PCDH15: variants seen among roughly 807,000 people sequenced by gnomAD.
PCDH15 encodes the protein protocadherin-15.
In PCDH15, 129 loss-of-function variants were observed where a neutral mutation model predicts 178.5. That is an observed-to-expected ratio of 0.72 (90% CI 0.63 to 0.84). PCDH15 has a LOEUF of 0.84. Among genes scored for constraint, PCDH15 ranks in the 40% least tolerant of loss-of-function variants. PCDH15 has a pLI of 0.00. For missense variants in PCDH15, 2,230 were observed against 2,099.9 expected (o/e 1.06, Z -1.21); for synonymous variants, 800 against 732.0 (o/e 1.09, Z -1.50).
At chr10:54,163,742 A>T (rs2045939597) in intron 13 of PCDH15, among the ~76,000 whole-genome samples, 1 of 152,152 alleles carries the variant, frequency 6.6e-6, no homozygotes, top group African/African-American at 2.4e-5. Flanking sequence ...TAAGCAGAGT[A>T]GGGAACATTC....
chr10:54,049,227 C>G (rs2093716552), intron 18 of PCDH15, among the ~76,000 whole-genome samples: 1 of 152,028 alleles, frequency 6.6e-6, no homozygotes, highest in African/African-American at 2.4e-5. Flanking sequence ...ATTTTTGTAT[C>G]CTAAAACTTT....
chr10:54,046,834 G>A (rs2093666092), intron 18 of PCDH15, among the ~76,000 whole-genome samples: 1 of 151,974 alleles, frequency 6.6e-6, no homozygotes, highest in African/African-American at 2.4e-5. Context: ...AAGGACAAGA[G>A]TTGGTCTTAA....
chr10:54,267,405 T>C (rs2057761180), intron 8 of PCDH15, among the ~76,000 whole-genome samples: 1 of 151,876 alleles, frequency 6.6e-6, no homozygotes, highest in Non-Finnish European at 1.5e-5. Context: ...TTCAACTTAA[T>C]ACTTGAAGCC....
intron 3 of PCDH15, among the ~76,000 whole-genome samples, chr10:54,468,368 CATTT>C (rs1423677318): frequency 6.6e-6 from 1 of 151,570 alleles, no homozygotes; most frequent in African/African-American, 2.4e-5. Context: ...TTTCAATTTT[CATTT>C]GTTTCAATAC....
chr10:55,437,444 C>T (rs1839068628), intron 2 of PCDH15, among the ~76,000 whole-genome samples: 1 of 152,090 alleles, frequency 6.6e-6, no homozygotes, highest in Non-Finnish European at 1.5e-5. Context: ...AAAGAAAGGG[C>T]TTGGAAAGTG....
intron 16 of PCDH15, among the ~76,000 whole-genome samples, chr10:54,084,173 C>T (rs2094479785): frequency 6.6e-6 from 1 of 151,782 alleles, no homozygotes; most frequent in Non-Finnish European, 1.5e-5. Flanking sequence ...GCAACCTCCA[C>T]TTCCCAGGTT....
chr10:54,027,830 TA>T, intron 18 of PCDH15, among the ~76,000 whole-genome samples: 1 of 138,442 alleles, frequency 7.2e-6, no homozygotes, highest in Non-Finnish European at 1.5e-5. Context: ...CCTAAAACCA[TA>T]AAAACCATAG....
At chr10:54,569,576 G>A (rs538981298) in intron 2 of PCDH15, among the ~76,000 whole-genome samples, 1 of 152,214 alleles carries the variant, frequency 6.6e-6, no homozygotes, top group South Asian at 2.1e-4. Context: ...AGATAATTGT[G>A]CCAAAGTAAA....
chr10:55,464,638 ATATATATATATATATATG>A (rs1048846959), intron 2 of PCDH15, among the ~76,000 whole-genome samples: 7 of 51,070 alleles, frequency 1.4e-4, no homozygotes, highest in African/African-American at 7.0e-4. Flanking sequence ...ATATATATAT[ATATATATATATATATATG>A]TGTGTGTGTG....
intron 3 of PCDH15, among the ~76,000 whole-genome samples, chr10:54,413,855 T>TG (rs1204349518): frequency 2.6e-5 from 4 of 152,172 alleles, no homozygotes; most frequent in Admixed American, 2.0e-4. Flanking sequence ...TAATAGACAT[T>TG]GGAGACTTAG....
intron 2 of PCDH15, among the ~76,000 whole-genome samples, chr10:54,903,506 A>G (rs910946132): frequency 2.0e-5 from 3 of 152,112 alleles, no homozygotes; most frequent in African/African-American, 4.8e-5. Context: ...TATTGTAACT[A>G]CAAAAACAAA....
intron 13 of PCDH15, among the ~76,000 whole-genome samples, chr10:54,177,884 A>G (rs1283868888): frequency 2.6e-5 from 4 of 152,170 alleles, no homozygotes; most frequent in African/African-American, 4.8e-5. Context: ...AAGTGCTTGT[A>G]AAAGATCTAC....
At chr10:53,909,159 C>A (rs75016350) in intron 25 of PCDH15, among the ~76,000 whole-genome samples, 1 of 152,072 alleles carries the variant, frequency 6.6e-6, no homozygotes, top group Non-Finnish European at 1.5e-5. Flanking sequence ...TGAGTTTGCA[C>A]GAAATCCAAT....
chr10:54,536,820 C>T (rs1353661888), intron 2 of PCDH15, among the ~76,000 whole-genome samples: 1 of 152,086 alleles, frequency 6.6e-6, no homozygotes, highest in East Asian at 1.9e-4. Context: ...CTGCAAACAA[C>T]ATGATTTCAT....
At chr10:54,001,449 G>A (rs1589847763) in intron 20 of PCDH15, among the ~76,000 whole-genome samples, 1 of 151,458 alleles carries the variant, frequency 6.6e-6, no homozygotes, top group South Asian at 2.1e-4. Context: ...GAAGTATAGA[G>A]TTTTTATTAG....
At chr10:55,582,332 T>C (rs1010716919) in intron 2 of PCDH15, among the ~76,000 whole-genome samples, 3 of 152,112 alleles carry the variant, frequency 2.0e-5, no homozygotes, top group Non-Finnish European at 2.9e-5. Flanking sequence ...ATGCAATTTA[T>C]CCTCCTGAGC....
chr10:54,945,153 T>C lies in PCDH15; in HGVS notation c.-79-47653A>G, dbSNP rs79183187. On this transcript the variant is annotated intron_variant, in intron 2 of 5. Transcript: ENST00000458638. ...TATTATATTTTTGTTGAAAGATACA[T>C]AGAAAATAAATACTTTCTGATATTT... Among the ~76,000 whole-genome samples the C allele has an allele frequency of 7.5e-3, 1,145 of 151,974 alleles. 12 individuals are homozygous for C. The highest frequency in any genetic ancestry group is 0.026 in the African/African-American group (1,096 of 41,518).
intron 8 of PCDH15, among the ~76,000 whole-genome samples, chr10:54,299,310 A>G (rs2060006643): frequency 6.6e-6 from 1 of 152,124 alleles, no homozygotes; most frequent in South Asian, 2.1e-4. Flanking sequence ...AGAGACAAAG[A>G]GGGAGTCAGA....
chr10:54,752,255 T>A (rs1295715403), intron 1 of PCDH15, among the ~76,000 whole-genome samples: 6 of 150,980 alleles, frequency 4.0e-5, no homozygotes. Context: ...GGCGGACAGA[T>A]CATGAAGTCA....
Sources: gnomAD v4.1 joint callset for allele counts (sites outside exome capture counted in the v4.1 genomes callset) on GRCh38, gnomAD v4.1.1 for gene constraint, MANE v1.5 for transcripts, NCBI Gene and HGNC (gene_info 2026-07-23, HGNC 2026-07-21) for gene names.